GART: variants seen among roughly 807,000 people sequenced by gnomAD.
GART encodes the protein phosphoribosylglycinamide formyltransferase, phosphoribosylglycinamide synthetase, phosphoribosylaminoimidazole synthetase.
A neutral mutation model predicts 107.2 loss-of-function variants in GART; 43 were observed. The ratio of observed to expected loss-of-function variants is 0.40; its 90% CI spans 0.31 to 0.52. GART has a LOEUF of 0.52. Among genes scored for constraint, GART ranks in the 20% least tolerant of loss-of-function variants. The pLI is 0.52. For synonymous variants in GART, 434 were observed against 427.0 expected (o/e 1.02, Z -0.20); for missense variants, 1,107 against 1,206.5 (o/e 0.92, Z 1.22).
intron 16 of GART, 106 bp downstream of exon 16, chr21:33,516,883 T>C: frequency 1.0e-6 from 1 of 984,058 alleles, no homozygotes; most frequent in Non-Finnish European, 1.5e-6. Flanking sequence ...TGATTAAGAA[T>C]TTTCCATGTG....
chr21:33,509,542 T>A (rs2084746634), intron 18 of GART: 1 of 368,814 alleles, frequency 2.7e-6, no homozygotes, highest in South Asian at 9.3e-5. Flanking sequence ...AGCTGTAGCT[T>A]CTATCTTTTC....
chr21:33,509,794 A>G lies in GART; in HGVS notation c.2441T>C (p.Ile814Thr). ...EKKKARVAVL[I>T]SGTGSNLQAL... ...AAGCCACATCTCACCTGTTCCAGAT[A>G]TTAAGACAGCCACTCTGGCCTTTTT... Residue 814 changes from isoleucine to threonine, a missense_variant, in exon 18 of 22, where the codon ATA becomes ACA. Physicochemically the swap from Ile to Thr is moderately conservative, Grantham distance 89. Transcript: ENST00000381815. 6.2e-7 allele frequency: 1 copy of G among 1,613,906 alleles called. No individual in the cohort carries two copies. The highest frequency in any genetic ancestry group is 8.5e-7 in the Non-Finnish European group (1 of 1,179,920).
Position 33,504,496 on chromosome 21 carries a change from G to C in GART, c.2757C>G (p.Leu919=). ...GGGCATTTGAACCCTTAAAAGAAGG[G>C]AGCAAGGATGGGTGGATATTGAGCA... ...GKMLNIHPSL[L]PSFKGSNAHE... The change falls in exon 21 of 22, where the codon CTC becomes CTG. Residue 919 remains leucine, a synonymous_variant. Coordinates refer to ENST00000381815, the MANE Select transcript of GART (RefSeq NM_000819.5). 6.2e-7 allele frequency: 1 copy of C among 1,613,836 alleles called. No homozygotes were observed. The highest frequency in any genetic ancestry group is 2.2e-5 in the East Asian group (1 of 44,888).
intron 2 of GART, among the ~76,000 whole-genome samples, chr21:33,536,520 T>C (rs2085307117): frequency 2.0e-5 from 3 of 152,254 alleles, no homozygotes; most frequent in African/African-American, 7.2e-5. Flanking sequence ...CCCTAGTGGA[T>C]GCCTGAAACC....
chr21:33,504,389 T>TAAC (rs1569004895), intron 21 of GART, 23 bp downstream of exon 21: 1 of 1,610,356 alleles, frequency 6.2e-7, no homozygotes, highest in South Asian at 1.1e-5. Context: ...TAATATTATG[T>TAAC]TGGTAGAAAA....
intron 4 of GART, among the ~76,000 whole-genome samples, chr21:33,533,617 C>T (rs1002676867): frequency 2.0e-5 from 3 of 151,068 alleles, no homozygotes; most frequent in Non-Finnish European, 3.0e-5. Flanking sequence ...GTCAATCTGA[C>T]CGTGAGGCCT....
At position 33,505,967 on chromosome 21, in the gene GART, AACTT is replaced by A; in HGVS notation, c.2583+3_2583+6del. The A allele has an allele frequency of 6.2e-7, 1 of 1,613,912 alleles. No homozygotes were observed. Among genetic ancestry groups the A allele is most frequent in the Non-Finnish European group, 8.5e-7 (1 of 1,179,960 alleles). ...CCACAGCAAAGATATTTTCCCAAGT[AACTT>A]ACTCTAGTGGGAATACCAGCTCTTT... On this transcript the variant is annotated splice_donor_5th_base_variant and intron_variant, in intron 19 of 21. Coordinates refer to ENST00000381815, the MANE Select transcript of GART (RefSeq NM_000819.5).
At chr21:33,527,790 T>C (rs1157790032) in intron 10 of GART, among the ~76,000 whole-genome samples, 2 of 152,218 alleles carry the variant, frequency 1.3e-5, no homozygotes, top group African/African-American at 2.4e-5. Context: ...GCATTTGTGA[T>C]AATTCAGAGT....
rs1427301283 is a variant in GART at position 33,520,462 on chromosome 21, A to G, written c.1604T>C (p.Leu535Pro). ...AAGTTTTCCACAGGAAAAGTAATCA[A>G]GGAAGAAGAGGGGCTCTGCTCCTTG... ...LAQGAEPLFF[L>P]DYFSCGKLDL... The change falls in exon 14 of 22, where the codon CTT (leucine) becomes CCT (proline). Residue 535 changes from leucine to proline, a missense_variant. Physicochemically the swap from Leu to Pro is moderately conservative, Grantham distance 98. Coordinates refer to ENST00000381815, the MANE Select transcript of GART (RefSeq NM_000819.5). 6.2e-7 allele frequency: 1 copy of G among 1,614,202 alleles called. No individual in the cohort carries two copies. The highest frequency in any genetic ancestry group is 1.7e-5 in the Admixed American group (1 of 60,030).
At chr21:33,527,580 T>C (rs1439261742) in intron 10 of GART, among the ~76,000 whole-genome samples, 1 of 152,074 alleles carries the variant, frequency 6.6e-6, no homozygotes, top group Non-Finnish European at 1.5e-5. Context: ...TATAGGCTGC[T>C]AGGGGTCACA....
chr21:33,510,101 A>G (rs1490628499), intron 17 of GART, 181 bp from the exon 18 acceptor site: 2 of 589,862 alleles, frequency 3.4e-6, no homozygotes, highest in Non-Finnish European at 5.9e-6. Context: ...AAAAACTTCC[A>G]AAAGGTGAAC....
intron 14 of GART, among the ~76,000 whole-genome samples, chr21:33,519,527 C>T (rs1429476083): frequency 2.0e-5 from 3 of 147,602 alleles, no homozygotes; most frequent in Non-Finnish European, 4.4e-5. Context: ...GCACTCCAGA[C>T]TGCGTGACAG....
At chr21:33,514,468 CTAT>C (rs2084842472) in intron 16 of GART, among the ~76,000 whole-genome samples, 2 of 152,080 alleles carry the variant, frequency 1.3e-5, no homozygotes, top group South Asian at 4.1e-4. Flanking sequence ...GAGGTGACTA[CTAT>C]GTTGTTTTTA....
intron 5 of GART, 68 bp from the exon 6 acceptor site, chr21:33,531,625 T>C (rs1478987815): frequency 7.1e-7 from 1 of 1,411,288 alleles, no homozygotes; most frequent in Admixed American, 2.0e-5. Flanking sequence ...GATACTTAGT[T>C]GACTTTTAGC....
intron 2 of GART, among the ~76,000 whole-genome samples, chr21:33,536,174 T>C (rs2085301213): frequency 6.6e-6 from 1 of 152,274 alleles, no homozygotes; most frequent in Non-Finnish European, 1.5e-5. Context: ...ATGAAGTGAA[T>C]TGAGAGGCTA....
chr21:33,533,555 T>A (rs139040541), intron 4 of GART, among the ~76,000 whole-genome samples: 108 of 152,218 alleles, frequency 7.1e-4, no homozygotes, highest in African/African-American at 2.4e-3. Flanking sequence ...TGGTTAATTA[T>A]TTATGACAAA....
intron 16 of GART, among the ~76,000 whole-genome samples, chr21:33,515,771 A>G (rs762294703): frequency 1.3e-5 from 2 of 151,676 alleles, no homozygotes; most frequent in Non-Finnish European, 1.5e-5. Flanking sequence ...TTTTACCAGT[A>G]TGTTTCTTCA....
intron 10 of GART, among the ~76,000 whole-genome samples, chr21:33,527,515 G>A (rs1040017029): frequency 7.4e-5 from 11 of 149,474 alleles, no homozygotes; most frequent in Non-Finnish European, 8.9e-5. Flanking sequence ...AGTCTATCTC[G>A]AAAAAAAAAG....
chr21:33,505,675 G>A lies in GART; in HGVS notation c.2611C>T (p.Arg871Cys), dbSNP rs746209819. 7.5e-6 allele frequency: 12 copies of A among 1,608,790 alleles called. No individual in the cohort carries two copies. The highest frequency in any genetic ancestry group is 2.7e-5 in the African/African-American group (2 of 74,692). The change falls in exon 20 of 22, where the codon CGT (arginine) becomes TGT (cysteine). Residue 871 changes from arginine to cysteine, a missense_variant. Physicochemically the swap from Arg to Cys is radical, Grantham distance 180. Transcript: ENST00000381815. ...TCAATTGCACTGTCAAATTCTACACGATTTTTATACAGTTTATGATTAATT... is the reference window on the plus strand; with the variant it reads ...TCAATTGCACTGTCAAATTCTACACAATTTTTATACAGTTTATGATTAATT... ...RVINHKLYKN[R>C]VEFDSAIDLV... is the part of the protein sequence containing the mutation.
Sources: allele counts gnomAD v4.1 joint callset (sites outside exome capture counted in the v4.1 genomes callset), GRCh38; gene constraint gnomAD v4.1.1; transcripts MANE v1.5; gene names NCBI Gene and HGNC (gene_info 2026-07-23, HGNC 2026-07-21).